The following DYSF variants were observed in gnomAD, a reference collection of about 807,000 sequenced individuals.
DYSF encodes the protein dysferlin, also known as dystrophy-associated fer-1-like 1.
A neutral mutation model predicts 274.9 loss-of-function variants in DYSF; 212 were observed. The ratio of observed to expected loss-of-function variants is 0.77; its 90% confidence interval spans 0.69 to 0.86. The LOEUF (loss-of-function observed/expected upper bound fraction) is 0.86, where lower values mean the gene tolerates loss of function less well. Among genes scored for constraint, DYSF ranks in the 40% least tolerant of loss-of-function variants. DYSF has a pLI of 0.00. For synonymous variants in DYSF, 1,091 were observed against 1,078.7 expected, an observed-to-expected ratio of 1.01 and a Z score of -0.22; for missense variants, 2,666 against 2,783.2, an observed-to-expected ratio of 0.96 and a Z score of 0.95.
Position 71,516,977 on chromosome 2 carries a change from C to A in DYSF, c.952-12C>A, listed in dbSNP as rs1382156285. ...CCCTGTGAATGTGAGTTTCCATGAT[C>A]TTTCTCTGCAGGTGGTAGACTCTCG... On this transcript the variant is annotated splice_polypyrimidine_tract_variant and intron_variant, in intron 9 of 55. Coordinates refer to ENST00000410020, the MANE Select transcript of DYSF (RefSeq NM_001130987.2). 1 of 1,613,932 alleles carries A rather than the reference C, an allele frequency of 6.2e-7. No individual in the cohort carries two copies.
Position 71,612,741 on chromosome 2 carries a change from G to A in DYSF, c.4322G>A (p.Arg1441His), listed in dbSNP as rs753156321. 17 of 1,614,154 alleles carry A rather than the reference G, an allele frequency of 1.1e-5. No individual in the cohort carries two copies. In the South Asian group the frequency reaches 1.1e-4, roughly 10 times the overall value. ...RRPVVGQCTI[R>H]SLESFLCDPY... ...CCTGTGGTGGGCCAGTGTACCATCC[G>A]CTCCCTGGAGAGCTTCCTGTGTGAC... The change falls in exon 39 of 56, where the codon CGC becomes CAC. Residue 1441 changes from arginine to histidine, a missense_variant. This residue lies in a region of DYSF where 1,460 missense variants were observed against 1,502.1 expected (regional missense o/e 0.97). Transcript: ENST00000410020.
Position 71,598,718 on chromosome 2 carries a change from G to T in DYSF, c.3729G>T (p.Val1243=), listed in dbSNP as rs1553375366. The T allele has an allele frequency of 1.2e-6, 2 of 1,613,488 alleles. No homozygotes were observed. The change falls in exon 33 of 56, where the codon GTG becomes GTT. Residue 1243 remains valine (V), a synonymous_variant. Coordinates refer to ENST00000410020, the MANE Select transcript of DYSF (RefSeq NM_001130987.2). ...TTGCTGAGCAACCGCCCAGCATTGT[G>T]GTGGAGCTGTACGACCATGACACTT... The part of the protein sequence containing the change: ...ATVAEQPPSI[V]VELYDHDTYG...
intron 12 of DYSF, 130 bp downstream of exon 12, chr2:71,521,034 G>A (rs2087212174): frequency 2.8e-6 from 2 of 725,866 alleles, no homozygotes; most frequent in African/African-American, 1.8e-5. Flanking sequence ...AATGAGAAAT[G>A]TGGAACATGT....
intron 22 of DYSF, among the ~76,000 whole-genome samples, chr2:71,557,274 G>C (rs1312107249): frequency 1.3e-5 from 2 of 152,240 alleles, no homozygotes; most frequent in African/African-American, 4.8e-5. Flanking sequence ...ATTGAATTCA[G>C]GGAAGCTTCC....
intron 41 of DYSF, among the ~76,000 whole-genome samples, chr2:71,626,681 A>C (rs1289260766): frequency 6.6e-6 from 1 of 151,760 alleles, no homozygotes. Flanking sequence ...TATTGGCTTA[A>C]AGTGTTTCTT....
chr2:71,599,387 C>A (rs910238941), intron 33 of DYSF, among the ~76,000 whole-genome samples: 13 of 152,346 alleles, frequency 8.5e-5, no homozygotes, highest in African/African-American at 2.4e-4. Context: ...TTCATTTTAA[C>A]GAAGTAAAAT....
At chr2:71,581,892 C>T (rs1273946991) in intron 30 of DYSF, among the ~76,000 whole-genome samples, 1 of 152,108 alleles carries the variant, frequency 6.6e-6, no homozygotes, top group African/African-American at 2.4e-5. Context: ...CCTGTAATCC[C>T]AGCACTTTGG....
At chr2:71,531,629 T>A (rs1481711107) in intron 14 of DYSF, among the ~76,000 whole-genome samples, 1 of 151,834 alleles carries the variant, frequency 6.6e-6, no homozygotes, top group African/African-American at 2.4e-5. Flanking sequence ...TCCTTTGATA[T>A]GTGTCCTGTG....
Position 71,600,561 on chromosome 2 carries a change from A to T in DYSF, c.3757-141A>T, listed in dbSNP as rs991123866. 4 of 1,199,640 alleles carry T rather than the reference A, an allele frequency of 3.3e-6. No individual in the cohort carries two copies. The Middle Eastern group carries it at 5.8e-4, about 172-fold the overall frequency. 74.3% of individuals were successfully genotyped at this position (1,199,640 alleles called of 1,614,324 possible). ...CTTGAGTCCTGCTAAGGAGAGCAGA[A>T]TTCACCATTCTGTGGGAGGGGGTGC... is the stretch of plus-strand genomic sequence containing the variant. On this transcript the variant is annotated intron_variant, in intron 33 of 55. Coordinates refer to ENST00000410020, the MANE Select transcript of DYSF (RefSeq NM_001130987.2).
chr2:71,681,089 AC>A lies in DYSF; in HGVS notation c.6155del (p.Pro2052LeufsTer23). ...CAGGGCCGGGATGAGCCCAACATGA[AC>A]CCTAAGCTTGAGGACCCAAGGTCAG... Reference protein sequence around the residue: ...AGQGRDEPNMNPKLEDPRRPD... With the variant: ...AGQGRDEPNMXPKLEDPRRPD... On this transcript the variant is annotated frameshift_variant, in exon 54 of 56. Coordinates refer to ENST00000410020, the MANE Select transcript of DYSF (RefSeq NM_001130987.2). LOFTEE classifies it high-confidence loss of function. 6.2e-7 allele frequency: 1 copy of A among 1,614,064 alleles called. No individual in the cohort carries two copies. The highest frequency in any genetic ancestry group is 8.5e-7 in the Non-Finnish European group (1 of 1,180,026).
chr2:71,516,692 C>T (rs2086694464), intron 9 of DYSF, among the ~76,000 whole-genome samples: 1 of 152,224 alleles, frequency 6.6e-6, no homozygotes, highest in African/African-American at 2.4e-5. Context: ...CGCACTGCAG[C>T]CTAGTGGCTC....
At chr2:71,620,445 C>A in intron 40 of DYSF, 102 bp from the exon 41 acceptor site, 2 of 1,200,854 alleles carry the variant, frequency 1.7e-6, no homozygotes, top group Non-Finnish European at 2.4e-6. Context: ...GGAGGAAGAG[C>A]AGAGGGTGCC....
At position 71,503,168 on chromosome 2, in the gene DYSF, G is replaced by A. The variant is rs370936068; in HGVS notation, c.240-46G>A. 73 of 1,555,562 alleles carry A rather than the reference G, an allele frequency of 4.7e-5. No homozygotes were observed. In the African/African-American group the frequency reaches 6.9e-4, roughly 15 times the overall value. The stretch of plus-strand genomic sequence containing the variant: ...GTGAGGGGTCTGGCAGAAGAGCCAG[G>A]GTGCCTTAGGCTAGTTTTCTACATT... On this transcript the variant is annotated intron_variant, in intron 3 of 55. Transcript: ENST00000410020.
Position 71,556,021 on chromosome 2 carries a change from C to T in DYSF, c.2166C>T (p.Asp722=), listed in dbSNP as rs766639423. The change falls in exon 22 of 56, where the codon GAC becomes GAT. Residue 722 remains aspartate, a synonymous_variant. Coordinates refer to ENST00000410020, the MANE Select transcript of DYSF (RefSeq NM_001130987.2). The part of the protein sequence containing the change: ...LALKAQCSTE[D]VDSLVAQLTD... ...TGAAGGCGCAGTGCTCCACGGAGGACGTGGACTCGCTGGTGGCTCAGCTGA... is the reference window on the plus strand; with the variant it reads ...TGAAGGCGCAGTGCTCCACGGAGGATGTGGACTCGCTGGTGGCTCAGCTGA... 1.2e-5 allele frequency: 19 copies of T among 1,578,952 alleles called. No homozygotes were observed. The Admixed American group carries it at 1.5e-4, about 12-fold the overall frequency.
At chr2:71,497,481 G>A (rs1019643808) in intron 3 of DYSF, among the ~76,000 whole-genome samples, 2 of 152,188 alleles carry the variant, frequency 1.3e-5, no homozygotes, top group Non-Finnish European at 2.9e-5. Flanking sequence ...TCTTGCTGCT[G>A]CCATGTAAAG....
chr2:71,611,658 G>A (rs1275381746), intron 38 of DYSF, 32 bp downstream of exon 38: 1 of 1,607,956 alleles, frequency 6.2e-7, no homozygotes, highest in Non-Finnish European at 8.5e-7. Context: ...TCCCCTTCCA[G>A]AGTCCTGGGG....
chr2:71,641,535 T>G (rs2094486725), intron 41 of DYSF, among the ~76,000 whole-genome samples: 1 of 152,186 alleles, frequency 6.6e-6, no homozygotes, highest in South Asian at 2.1e-4. Context: ...TCTAATATAT[T>G]CATTTCTATT....
intron 14 of DYSF, 28 bp from the exon 15 acceptor site, chr2:71,534,993 C>T (rs372478548): frequency 2.7e-5 from 44 of 1,613,500 alleles, no homozygotes; most frequent in Non-Finnish European, 3.7e-5. Context: ...GGAGCTTGAT[C>T]AACTTGTCCC....
chr2:71,618,825 CT>C (rs1165334455), intron 40 of DYSF, among the ~76,000 whole-genome samples: 1 of 151,700 alleles, frequency 6.6e-6, no homozygotes, highest in Non-Finnish European at 1.5e-5. Context: ...CAGGCCTGGC[CT>C]GCTAGTGTGC....
Sources: gnomAD v4.1 joint callset for allele counts (sites outside exome capture counted in the v4.1 genomes callset) on GRCh38, gnomAD v4.1.1 for gene constraint, gnomAD v4.1.1 regional missense constraint, MANE v1.5 for transcripts, NCBI Gene and HGNC (gene_info 2026-07-23, HGNC 2026-07-21) for gene names.